The following SPATA7 variants were observed in gnomAD, a reference collection of about 807,000 sequenced individuals.
SPATA7 encodes spermatogenesis-associated protein 7.
In SPATA7, 43 loss-of-function variants were observed where a neutral mutation model predicts 51.8. That is an observed-to-expected ratio of 0.83 (90% CI 0.65 to 1.07). The LOEUF (loss-of-function observed/expected upper bound fraction) is 1.07, where lower values mean the gene tolerates loss of function less well. Ranked by LOEUF, SPATA7 falls within the 50% of genes least tolerant of loss-of-function variation. The pLI is 0.00. For synonymous variants in SPATA7, 230 were observed against 252.8 expected, an observed-to-expected ratio of 0.91 and a Z score of 0.86; for missense variants, 683 against 701.3, an observed-to-expected ratio of 0.97 and a Z score of 0.30.
At chr14:88,470,262 A>G in exon 5 of SPATA7, 2 of 574,650 alleles carry the variant, frequency 3.5e-6, no homozygotes, top group Non-Finnish European at 6.1e-6. Flanking sequence ...AAACTTAGGT[A>G]CTGTGAATAT....
downstream of SPATA7, among the ~76,000 whole-genome samples, chr14:88,460,113 C>A (rs2077308101): frequency 6.6e-6 from 1 of 152,140 alleles, no homozygotes; most frequent in Non-Finnish European, 1.5e-5. Flanking sequence ...TGTGGGTAAC[C>A]CGACCTTTCT....
downstream of SPATA7, among the ~76,000 whole-genome samples, chr14:88,459,981 T>A (rs1342308607): frequency 6.6e-6 from 1 of 152,198 alleles, no homozygotes; most frequent in East Asian, 1.9e-4. Flanking sequence ...TGAAGCTTAA[T>A]TTGGCTGGAT....
rs1428644229 is a variant in SPATA7, at chr14:88,469,868, C to T, written c.*1C>T. 1.2e-6 allele frequency: 2 copies of T among 1,611,300 alleles called. No homozygotes were observed. Among genetic ancestry groups the T allele is most frequent in the South Asian group, 2.2e-5 (2 of 91,008 alleles). On this transcript the variant is annotated 3_prime_UTR_variant, in exon 5 of 5. Transcript: ENST00000556406. The surrounding 1 kb of genome is among the most constrained non-coding windows in gnomAD (Gnocchi z 4.3). ...ACAGGTCAGGATTCCAGATGATTAACATTAACTGTTCTTCAGAGGCTGAGA... is the reference window on the plus strand; with the variant it reads ...ACAGGTCAGGATTCCAGATGATTAATATTAACTGTTCTTCAGAGGCTGAGA...
Position 88,438,287 on chromosome 14 carries a change from A to T in SPATA7, c.1665A>T (p.Gly555=). 1 of 1,614,064 alleles carries T rather than the reference A, an allele frequency of 6.2e-7. No individual in the cohort carries two copies. The highest frequency in any genetic ancestry group is 8.5e-7 in the Non-Finnish European group (1 of 1,179,976). ...SDPEKVEISN[G]LCGLNTSPSQ... ...CTGAAAAGGTTGAGATTTCAAATGGATTATGTGGTCTTAACACATCACCCT... is the reference window on the plus strand; with the variant it reads ...CTGAAAAGGTTGAGATTTCAAATGGTTTATGTGGTCTTAACACATCACCCT... The change falls in exon 12 of 12, where the codon GGA becomes GGT. Residue 555 remains glycine, a synonymous_variant. Coordinates refer to ENST00000393545, the MANE Select transcript of SPATA7 (RefSeq NM_018418.5).
chr14:88,392,696 AT>A (rs1019106895), intron 2 of SPATA7, among the ~76,000 whole-genome samples: 1 of 152,094 alleles, frequency 6.6e-6, no homozygotes, highest in Non-Finnish European at 1.5e-5. Flanking sequence ...TAGCTGTTGA[AT>A]TTTTTTAACC....
chr14:88,394,318 T>G (rs896394452), intron 3 of SPATA7, among the ~76,000 whole-genome samples: 1 of 152,162 alleles, frequency 6.6e-6, no homozygotes, highest in Non-Finnish European at 1.5e-5. Context: ...TCCTTTGCCG[T>G]CAGTCCCCTC....
intron 3 of SPATA7, among the ~76,000 whole-genome samples, chr14:88,450,652 G>A (rs1218742487): frequency 2.6e-5 from 4 of 152,064 alleles, no homozygotes; most frequent in Non-Finnish European, 4.4e-5. Flanking sequence ...GTAGGGTTTC[G>A]GCTGAGAAAT....
At chr14:88,411,092 G>T (rs1223439635) in intron 4 of SPATA7, among the ~76,000 whole-genome samples, 2 of 152,184 alleles carry the variant, frequency 1.3e-5, no homozygotes, top group East Asian at 3.9e-4. Context: ...ATCTAGAGAG[G>T]CAGTCTGGCT....
chr14:88,426,424 G>T lies in SPATA7; in HGVS notation c.565G>T (p.Gly189Trp). ...SPSSVDYAASGPRKLSSGALY... is the reference protein window; with the variant it reads ...SPSSVDYAASWPRKLSSGALY... ...GTCCAGTGTGGATTATGCAGCCTCC[G>T]GGCCCCGGAAACTGAGCTCTGGAGC... Residue 189 changes from glycine to tryptophan, a missense_variant, in exon 6 of 12, where the codon GGG becomes TGG. Physicochemically the swap from Gly to Trp is radical, Grantham distance 184 (BLOSUM62 -2). Coordinates refer to ENST00000393545, the MANE Select transcript of SPATA7 (RefSeq NM_018418.5). The T allele has an allele frequency of 6.2e-7, 1 of 1,614,116 alleles. No individual in the cohort carries two copies. Among genetic ancestry groups the T allele is most frequent in the Non-Finnish European group, 8.5e-7 (1 of 1,180,024 alleles).
intron 4 of SPATA7, among the ~76,000 whole-genome samples, chr14:88,401,585 C>G (rs1468486696): frequency 6.6e-6 from 1 of 151,992 alleles, no homozygotes; most frequent in Non-Finnish European, 1.5e-5. Context: ...CCTGTAATTG[C>G]AATACTTTGG....
chr14:88,402,142 T>C (rs1333534259), intron 4 of SPATA7, among the ~76,000 whole-genome samples: 1 of 152,038 alleles, frequency 6.6e-6, no homozygotes, highest in Admixed American at 6.6e-5. Context: ...ATAAAGGAAA[T>C]TTTAGAAGAC....
chr14:88,396,018 A>G, intron 3 of SPATA7, 138 bp from the exon 4 acceptor site: 1 of 716,028 alleles, frequency 1.4e-6, no homozygotes, highest in Non-Finnish European at 2.5e-6. Context: ...TGTATTTTTA[A>G]TCAAGGATCT....
intron 9 of SPATA7, chr14:88,432,776 G>C (rs904260800): frequency 2.7e-5 from 5 of 186,138 alleles, no homozygotes; most frequent in Non-Finnish European, 5.6e-5. Context: ...TCAGGAGCAA[G>C]AGGAAATTTA....
intron 6 of SPATA7, among the ~76,000 whole-genome samples, chr14:88,427,092 C>T (rs2076814814): frequency 1.3e-5 from 2 of 152,174 alleles, no homozygotes; most frequent in Non-Finnish European, 2.9e-5. Flanking sequence ...AAGAAACTAA[C>T]CCTTTATCCA....
intron 4 of SPATA7, 101 bp downstream of exon 4, chr14:88,396,304 A>G (rs1478476497): frequency 3.8e-6 from 3 of 789,118 alleles, no homozygotes; most frequent in Non-Finnish European, 6.5e-6. Flanking sequence ...TGTCCAGTTC[A>G]ATATTAAGTA....
intron 4 of SPATA7, among the ~76,000 whole-genome samples, chr14:88,463,530 C>T (rs1272391220): frequency 6.6e-6 from 1 of 152,040 alleles, no homozygotes; most frequent in African/African-American, 2.4e-5. Context: ...TCTTGGAGTA[C>T]AGAACACATA....
intron 4 of SPATA7, among the ~76,000 whole-genome samples, chr14:88,412,344 T>G (rs1222113918): frequency 1.3e-5 from 2 of 151,904 alleles, no homozygotes; most frequent in Non-Finnish European, 2.9e-5. Flanking sequence ...GATCACAAGG[T>G]CCCACAATAG....
chr14:88,467,478 CAG>C (rs143001569), intron 4 of SPATA7: 1 of 152,090 alleles, frequency 6.6e-6, no homozygotes, highest in Non-Finnish European at 1.5e-5. Flanking sequence ...ATTTGAAAAA[CAG>C]AAGGTACAAC....
At chr14:88,444,743 T>A (rs1039760401) in intron 3 of SPATA7, among the ~76,000 whole-genome samples, 2 of 152,180 alleles carry the variant, frequency 1.3e-5, no homozygotes, top group African/African-American at 2.4e-5. Flanking sequence ...AAATAGGGAA[T>A]CCTTTCCCCA....
Sources: allele counts gnomAD v4.1 joint callset (sites outside exome capture counted in the v4.1 genomes callset), GRCh38; gene constraint gnomAD v4.1.1; non-coding constraint Gnocchi (gnomAD v3.1); transcripts MANE v1.5; gene names NCBI Gene and HGNC (gene_info 2026-07-23, HGNC 2026-07-21).